DAB1: variants seen among roughly 807,000 people sequenced by gnomAD.
DAB1 encodes disabled homolog 1.
In DAB1, 15 loss-of-function variants were observed where a neutral mutation model predicts 64.6. That is an observed-to-expected ratio of 0.23 (90% CI 0.16 to 0.36). DAB1 has a LOEUF of 0.36. Among genes scored for constraint, DAB1 ranks in the 10% least tolerant of loss-of-function variants. The pLI is 1.00. For synonymous variants in DAB1, 235 were observed against 251.9 expected (o/e 0.93, Z 0.64); for missense variants, 596 against 706.7 (o/e 0.84, Z 1.78).
At chr1:58,250,108 G>C (rs1212485451) in intron 4 of DAB1, among the ~76,000 whole-genome samples, 1 of 152,150 alleles carries the variant, frequency 6.6e-6, no homozygotes, top group Non-Finnish European at 1.5e-5. Context: ...CGGGCACAGT[G>C]TTGCAGACCA....
At chr1:57,444,072 T>G (rs1686050249) in intron 7 of DAB1, among the ~76,000 whole-genome samples, 1 of 152,040 alleles carries the variant, frequency 6.6e-6, no homozygotes, top group South Asian at 2.1e-4. Flanking sequence ...CTACAGTGGC[T>G]CTCATTTACT....
chr1:58,445,377 A>G (rs1569801781), intron 3 of DAB1, among the ~76,000 whole-genome samples: 1 of 152,230 alleles, frequency 6.6e-6, no homozygotes, highest in Non-Finnish European at 1.5e-5. Context: ...GAAGATCATG[A>G]GACTCGCCTG....
intron 5 of DAB1, among the ~76,000 whole-genome samples, chr1:57,943,322 A>G (rs1645130932): frequency 6.6e-6 from 1 of 152,256 alleles, no homozygotes; most frequent in South Asian, 2.1e-4. Flanking sequence ...ACGTGGTTTA[A>G]AAAAAGTCAA....
intron 2 of DAB1, among the ~76,000 whole-genome samples, chr1:57,215,355 C>T (rs982332704): frequency 6.6e-6 from 1 of 152,144 alleles, no homozygotes; most frequent in Non-Finnish European, 1.5e-5. Flanking sequence ...AAACCATTTC[C>T]GTTATTTGAC....
intron 4 of DAB1, among the ~76,000 whole-genome samples, chr1:58,283,151 C>T (rs571501314): frequency 2.0e-5 from 3 of 151,618 alleles, no homozygotes; most frequent in East Asian, 3.9e-4. Flanking sequence ...CAAGCCCCAG[C>T]GCTCTCCTCT....
rs1049101533 is a variant in DAB1 at position 57,250,358 on chromosome 1, G to A, written c.67+40606C>T. On this transcript the variant is annotated intron_variant, in intron 2 of 14. Transcript: ENST00000371236. Reference sequence around the variant, plus strand: ...GTTTCAATATCTTTGTATGTATTCAGGTTATAATTATTGAGGAATAAAATA... The same window carrying A: ...GTTTCAATATCTTTGTATGTATTCAAGTTATAATTATTGAGGAATAAAATA... Among the ~76,000 whole-genome samples, 51 of 152,108 alleles carry A rather than the reference G, an allele frequency of 3.4e-4. 1 individual carries two copies. The highest frequency in any genetic ancestry group is 2.6e-4 in the Admixed American group (4 of 15,264).
intron 1 of DAB1, among the ~76,000 whole-genome samples, chr1:57,870,040 G>T (rs577311804): frequency 6.6e-6 from 1 of 152,174 alleles, no homozygotes; most frequent in African/African-American, 2.4e-5. Flanking sequence ...TAGGCAAATT[G>T]GATGAGTTTT....
chr1:57,815,562 G>A (rs1389803965), intron 6 of DAB1, among the ~76,000 whole-genome samples: 1 of 151,778 alleles, frequency 6.6e-6, no homozygotes, highest in Non-Finnish European at 1.5e-5. Flanking sequence ...TTTAAGCTTT[G>A]ATATATGAAA....
At chr1:58,275,129 T>C (rs1661411130) in intron 4 of DAB1, among the ~76,000 whole-genome samples, 1 of 152,152 alleles carries the variant, frequency 6.6e-6, no homozygotes, top group Non-Finnish European at 1.5e-5. Flanking sequence ...GATGTCCACA[T>C]ATAAAAAAAT....
intron 7 of DAB1, among the ~76,000 whole-genome samples, chr1:57,646,488 C>T (rs1426858686): frequency 6.6e-6 from 1 of 152,144 alleles, no homozygotes; most frequent in Non-Finnish European, 1.5e-5. Flanking sequence ...TGGCTAATGC[C>T]TGTAATTCCA....
intron 5 of DAB1, among the ~76,000 whole-genome samples, chr1:58,103,724 G>A (rs980248916): frequency 6.6e-6 from 1 of 151,886 alleles, no homozygotes; most frequent in Non-Finnish European, 1.5e-5. Flanking sequence ...CTTAAGTTTT[G>A]CCCTGGAGAT....
chr1:58,128,619 T>A (rs1094381), intron 5 of DAB1, among the ~76,000 whole-genome samples: 10,402 of 105,496 alleles, frequency 0.099, 409 homozygotes, highest in East Asian at 0.23. Flanking sequence ...TTATTATTTT[T>A]AAATACGTCC....
intron 5 of DAB1, among the ~76,000 whole-genome samples, chr1:58,061,480 T>A (rs868590112): frequency 6.6e-6 from 1 of 152,208 alleles, no homozygotes; most frequent in Admixed American, 6.5e-5. Context: ...CATACTGATC[T>A]CTGCCTTCGT....
chr1:57,768,749 G>A (rs1649430517), intron 6 of DAB1, among the ~76,000 whole-genome samples: 1 of 151,870 alleles, frequency 6.6e-6, no homozygotes. Context: ...CCCCACACAA[G>A]CCCCGCAGCA....
intron 1 of DAB1, chr1:57,386,863 A>C (rs1211438518): frequency 6.6e-6 from 1 of 152,134 alleles, no homozygotes; most frequent in Non-Finnish European, 1.5e-5. Flanking sequence ...TAAGCTGTAG[A>C]ATGATTCTGC....
intron 2 of DAB1, among the ~76,000 whole-genome samples, chr1:57,248,258 T>G (rs994909183): frequency 1.3e-5 from 2 of 152,130 alleles, no homozygotes; most frequent in African/African-American, 2.4e-5. Flanking sequence ...TTTTATTGTT[T>G]TTTTTAAAAA....
intron 5 of DAB1, among the ~76,000 whole-genome samples, chr1:57,992,595 G>A (rs1227516268): frequency 6.6e-6 from 1 of 152,154 alleles, no homozygotes; most frequent in Admixed American, 6.5e-5. Context: ...CTCTCATAAA[G>A]AGGACACTCA....
intron 2 of DAB1, among the ~76,000 whole-genome samples, chr1:57,198,910 A>G (rs1400460604): frequency 6.6e-6 from 1 of 152,204 alleles, no homozygotes; most frequent in Non-Finnish European, 1.5e-5. Context: ...GGACAAGAGC[A>G]TAAGTTGGGG....
chr1:57,393,959 T>C (rs1401716196), intron 1 of DAB1, among the ~76,000 whole-genome samples: 1 of 152,236 alleles, frequency 6.6e-6, no homozygotes, highest in Non-Finnish European at 1.5e-5. Flanking sequence ...TAGGTAGATC[T>C]ACATGTGTAT....
Sources: gnomAD v4.1 joint callset for allele counts (sites outside exome capture counted in the v4.1 genomes callset) on GRCh38, gnomAD v4.1.1 for gene constraint, MANE v1.5 for transcripts, NCBI Gene and HGNC (gene_info 2026-07-23, HGNC 2026-07-21) for gene names.